Variants in MEI4 observed in about 807,000 individuals in gnomAD.
The protein encoded by MEI4 is meiosis-specific protein MEI4.
In MEI4, 27 loss-of-function variants were observed where a neutral mutation model predicts 31.4. That is an observed-to-expected ratio of 0.86 (90% CI 0.63 to 1.19). The LOEUF (loss-of-function observed/expected upper bound fraction) is 1.19, where lower values mean the gene tolerates loss of function less well. MEI4 is among the 50% of genes most tolerant of loss of function. The pLI, the probability that MEI4 is intolerant of heterozygous loss-of-function variation, is 0.00. For missense variants in MEI4, 329 were observed against 398.9 expected (o/e 0.82, Z 1.49); for synonymous variants, 122 against 145.4 (o/e 0.84, Z 1.16).
intron 2 of MEI4, among the ~76,000 whole-genome samples, chr6:77,700,577 C>A (rs576413865): frequency 6.6e-6 from 1 of 152,178 alleles, no homozygotes; most frequent in Admixed American, 6.5e-5. Flanking sequence ...CTTCGGCTCA[C>A]ATACGGTGTG....
At chr6:77,863,913 G>A (rs1770942769) in intron 4 of MEI4, among the ~76,000 whole-genome samples, 1 of 152,308 alleles carries the variant, frequency 6.6e-6, no homozygotes, top group African/African-American at 2.4e-5. Context: ...AAAAGAGAGT[G>A]GGGGCCAATA....
chr6:77,679,245 C>A (rs764563827), intron 1 of MEI4, among the ~76,000 whole-genome samples: 16 of 152,176 alleles, frequency 1.1e-4, no homozygotes, highest in Non-Finnish European at 2.4e-4. Flanking sequence ...CATTCACTCA[C>A]CACTCCCTCA....
chr6:77,806,322 T>C (rs1715529921), intron 3 of MEI4, among the ~76,000 whole-genome samples: 1 of 152,176 alleles, frequency 6.6e-6, no homozygotes, highest in Non-Finnish European at 1.5e-5. Flanking sequence ...TCAGTGTCTA[T>C]AATAGCATAC....
chr6:77,822,829 A>T (rs539934209), intron 3 of MEI4, among the ~76,000 whole-genome samples: 1 of 151,920 alleles, frequency 6.6e-6, no homozygotes, highest in South Asian at 2.1e-4. Flanking sequence ...TCGCCTTGTT[A>T]GCCAGGATGG....
intron 4 of MEI4, among the ~76,000 whole-genome samples, chr6:77,860,792 A>G (rs1270356807): frequency 1.3e-5 from 2 of 152,282 alleles, no homozygotes; most frequent in Non-Finnish European, 1.5e-5. Flanking sequence ...GCCACCATCT[A>G]TCGCTTGAAT....
rs547639953 is a variant in MEI4, at chr6:77,664,719, C to G, written c.-15+11627C>G. ...AAGAAGGAAGATTTGGGATGAGTTG[C>G]ACTGGGCACAGAGACTAGGAAGGGA... On this transcript the variant is annotated intron_variant, in intron 1 of 4. Coordinates refer to ENST00000684080, the MANE Select transcript of MEI4 (RefSeq NM_001322247.2). Among the ~76,000 whole-genome samples, 133 of 152,166 alleles carry G rather than the reference C, an allele frequency of 8.7e-4. 2 individuals carry two copies. Among genetic ancestry groups the G allele is most frequent in the African/African-American group, 2.2e-3 (92 of 41,496 alleles).
chr6:77,758,402 C>T (rs1199256175), intron 2 of MEI4, among the ~76,000 whole-genome samples: 1 of 152,038 alleles, frequency 6.6e-6, no homozygotes, highest in East Asian at 1.9e-4. Flanking sequence ...AAGCTCAATC[C>T]TCCAATTCTA....
At chr6:77,680,787 G>A (rs181207439) in intron 1 of MEI4, among the ~76,000 whole-genome samples, 37 of 152,286 alleles carry the variant, frequency 2.4e-4, no homozygotes, top group Admixed American at 2.4e-3. Flanking sequence ...GAGAGAAGAA[G>A]CCATGACACA....
At chr6:77,714,551 A>C (rs984739786) in intron 2 of MEI4, among the ~76,000 whole-genome samples, 2 of 152,232 alleles carry the variant, frequency 1.3e-5, no homozygotes, top group Admixed American at 1.3e-4. Context: ...TATAAAATAA[A>C]AAGGAGCTTC....
chr6:77,899,400 T>C (rs1766145499), intron 4 of MEI4, among the ~76,000 whole-genome samples: 1 of 152,158 alleles, frequency 6.6e-6, no homozygotes, highest in South Asian at 2.1e-4. Context: ...TTATATAAAA[T>C]GTGATTAGAT....
chr6:77,809,724 C>G (rs1278311057), intron 3 of MEI4, among the ~76,000 whole-genome samples: 1 of 152,034 alleles, frequency 6.6e-6, no homozygotes, highest in African/African-American at 2.4e-5. Context: ...TCAAACTAAC[C>G]TACTAACTGG....
At chr6:77,652,376 GT>G (rs1251013636), upstream of MEI4, among the ~76,000 whole-genome samples, 2 of 152,276 alleles carry the variant, frequency 1.3e-5, no homozygotes, top group East Asian at 3.9e-4. Flanking sequence ...TAGAATGGGG[GT>G]TTGCAAGTGG....
At chr6:77,840,604 A>T (rs1014992453) in intron 4 of MEI4, among the ~76,000 whole-genome samples, 4 of 152,162 alleles carry the variant, frequency 2.6e-5, no homozygotes, top group African/African-American at 7.2e-5. Context: ...TTTAATTTTT[A>T]AAATTTTTAA....
chr6:77,871,720 AAAC>A (rs1327435918), intron 4 of MEI4, among the ~76,000 whole-genome samples: 1 of 152,064 alleles, frequency 6.6e-6, no homozygotes, highest in Non-Finnish European at 1.5e-5. Context: ...ATTTTTAAAA[AAAC>A]ATTTTTAAAT....
intron 3 of MEI4, among the ~76,000 whole-genome samples, chr6:77,790,107 G>A (rs1436099541): frequency 2.0e-5 from 3 of 151,864 alleles, no homozygotes; most frequent in Non-Finnish European, 2.9e-5. Context: ...CCTTTGTAGG[G>A]ACATGAATGA....
chr6:77,884,959 A>G (rs1027546330), intron 4 of MEI4, among the ~76,000 whole-genome samples: 4 of 152,048 alleles, frequency 2.6e-5, no homozygotes, highest in African/African-American at 7.2e-5. Context: ...GGTCATTTTA[A>G]CAAGATTCAC....
Position 77,770,399 on chromosome 6 carries a change from C to T in MEI4, c.768+8734C>T, listed in dbSNP as rs550643856. ...ACAAACAAATGGAAAACATCCAATG[C>T]TCATGGACAGGAAAAAATATTTAAA... On this transcript the variant is annotated intron_variant, in intron 3 of 4. Transcript: ENST00000684080. Among the ~76,000 whole-genome samples the T allele has an allele frequency of 5.3e-5, 8 of 152,058 alleles. No homozygotes were observed. The South Asian group carries it at 1.5e-3, about 28-fold the overall frequency.
At chr6:77,702,950 C>CT (rs1306360285) in intron 2 of MEI4, among the ~76,000 whole-genome samples, 1 of 152,162 alleles carries the variant, frequency 6.6e-6, no homozygotes, top group Admixed American at 6.5e-5. Context: ...CCACTTTTGT[C>CT]TTCACTAACT....
chr6:77,923,025 A>G, intron 4 of MEI4, 64 bp from the exon 5 acceptor site: 1 of 996,228 alleles, frequency 1.0e-6, no homozygotes, highest in Non-Finnish European at 1.3e-6. Context: ...TGATATCTTT[A>G]TATGACATTT....
Sources: allele counts gnomAD v4.1 joint callset (sites outside exome capture counted in the v4.1 genomes callset), GRCh38; gene constraint gnomAD v4.1.1; transcripts MANE v1.5; gene names NCBI Gene and HGNC (gene_info 2026-07-23, HGNC 2026-07-21).